The following UNC79 variants were observed in gnomAD, a reference collection of about 807,000 sequenced individuals.
The protein encoded by UNC79 is protein unc-79 homolog.
Under a neutral mutation model 283.1 loss-of-function variants are expected in UNC79, and 37 were observed. The observed-to-expected ratio is 0.13, with a 90% CI of 0.10 to 0.17. The LOEUF is 0.17. Ranked by LOEUF, UNC79 falls within the 10% of genes least tolerant of loss-of-function variation. The pLI, the probability that UNC79 is intolerant of heterozygous loss-of-function variation, is 1.00. For missense variants in UNC79, 2,272 were observed against 3,211.1 expected, an observed-to-expected ratio of 0.71 and a Z score of 7.07; for synonymous variants, 1,107 against 1,200.2, an observed-to-expected ratio of 0.92 and a Z score of 1.61.
At chr14:93,335,190 G>A (rs2053552220) in intron 1 of UNC79, 2 of 152,236 alleles carry the variant, frequency 1.3e-5, no homozygotes, top group African/African-American at 4.8e-5. Flanking sequence ...GAGACTTCTA[G>A]TAGACTGTTT....
chr14:93,457,792 A>C (rs1353375816), intron 1 of UNC79, among the ~76,000 whole-genome samples: 2 of 152,236 alleles, frequency 1.3e-5, no homozygotes, highest in East Asian at 3.8e-4. Context: ...AGATTACACA[A>C]GCTTGAATTA....
chr14:93,622,513 G>A lies in UNC79; in HGVS notation c.5280G>A (p.Ser1760=), dbSNP rs770128052. ...AGTCGTTTGCTCTCCCCGAGATGTC[G>A]CTGGATGATCACCCTGACCCGGGCA... Residue 1760 remains serine, a synonymous_variant, in exon 30 of 49, where the codon TCG becomes TCA. Transcript: ENST00000555664. The A allele has an allele frequency of 1.3e-5, 21 of 1,614,038 alleles. No individual in the cohort carries two copies. In the Middle Eastern group the frequency reaches 4.9e-4, roughly 38 times the overall value.
At position 93,337,597 on chromosome 14, in the gene UNC79, AG is replaced by A. The variant is rs1366510463; in HGVS notation, c.-351+4077del. ...ACCTCACATGATAGGAAGCAGTGGC[AG>A]GGCTGGGCCAGCCCAGGAGCTGCAG... On this transcript the variant is annotated intron_variant, in intron 1 of 49. Transcript: ENST00000256339. Among the ~76,000 whole-genome samples the A allele has an allele frequency of 3.3e-5, 5 of 152,224 alleles. No homozygotes were observed. In the East Asian group the frequency reaches 9.6e-4, roughly 29 times the overall value.
chr14:93,532,998 G>C (rs2060901025), intron 11 of UNC79, among the ~76,000 whole-genome samples: 1 of 152,086 alleles, frequency 6.6e-6, no homozygotes, highest in Non-Finnish European at 1.5e-5. Flanking sequence ...CAGACTGACT[G>C]TATATGGAAA....
At chr14:93,588,570 C>T (rs2064382618) in intron 22 of UNC79, among the ~76,000 whole-genome samples, 1 of 151,816 alleles carries the variant, frequency 6.6e-6, no homozygotes, top group Non-Finnish European at 1.5e-5. Flanking sequence ...GAAACCCTGT[C>T]TTTACTAAAA....
chr14:93,637,413 T>C, intron 32 of UNC79, 114 bp downstream of exon 35: 1 of 1,499,140 alleles, frequency 6.7e-7, no homozygotes, highest in Non-Finnish European at 8.9e-7. Flanking sequence ...GGAGTGGGGA[T>C]GACCTTTGCC....
chr14:93,602,550 C>CTT (rs1372531723), intron 25 of UNC79, among the ~76,000 whole-genome samples: 1 of 152,140 alleles, frequency 6.6e-6, no homozygotes, highest in African/African-American at 2.4e-5. Flanking sequence ...CCTCCAGATG[C>CTT]ATTCTTTTTG....
At chr14:93,653,975 A>G (rs2070614880) in exon 37 of UNC79, 2 of 1,614,044 alleles carry the variant, frequency 1.2e-6, no homozygotes, top group African/African-American at 1.3e-5. Context: ...CTCGTCTCTG[A>G]TGGACTTCAA....
intron 13 of UNC79, among the ~76,000 whole-genome samples, chr14:93,541,779 G>T (rs1055655218): frequency 5.3e-5 from 8 of 152,242 alleles, no homozygotes; most frequent in Middle Eastern, 3.4e-3. Flanking sequence ...GCCAAGACGG[G>T]CAGATCACGA....
chr14:93,641,254 T>C lies in UNC79; in HGVS notation c.5903+7T>C. Reference sequence around the variant, plus strand: ...CGACGGTGATGACGGACAAGTAAGCTCGCACAGTTATTTTCTTCACCATGT... The same window carrying C: ...CGACGGTGATGACGGACAAGTAAGCCCGCACAGTTATTTTCTTCACCATGT... On this transcript the variant is annotated splice_region_variant and intron_variant, in intron 33 of 48. Coordinates refer to ENST00000555664, the Ensembl canonical transcript of UNC79. 2 of 1,610,052 alleles carry C rather than the reference T, an allele frequency of 1.2e-6. No homozygotes were observed. Among genetic ancestry groups the C allele is most frequent in the Non-Finnish European group, 8.5e-7 (1 of 1,177,334 alleles).
At chr14:93,362,265 C>T (rs1239190011) in intron 1 of UNC79, among the ~76,000 whole-genome samples, 1 of 152,060 alleles carries the variant, frequency 6.6e-6, no homozygotes, top group African/African-American at 2.4e-5. Flanking sequence ...GGACTAGTAC[C>T]AGTTCTTCTT....
At chr14:93,338,489 A>G (rs1360044273) in intron 1 of UNC79, among the ~76,000 whole-genome samples, 1 of 152,230 alleles carries the variant, frequency 6.6e-6, no homozygotes, top group Non-Finnish European at 1.5e-5. Context: ...AGTGGGGGAA[A>G]AAGACAAGCC....
intron 7 of UNC79, among the ~76,000 whole-genome samples, chr14:93,512,151 G>A (rs2140872275): frequency 6.6e-6 from 1 of 152,150 alleles, no homozygotes; most frequent in Non-Finnish European, 1.5e-5. Flanking sequence ...TTACCTTTTT[G>A]TTTTGATATC....
At chr14:93,629,401 T>A (rs1217386271) in intron 30 of UNC79, among the ~76,000 whole-genome samples, 1 of 152,190 alleles carries the variant, frequency 6.6e-6, no homozygotes, top group Non-Finnish European at 1.5e-5. Context: ...ATTAGTAGTT[T>A]GGGGAGGATA....
chr14:93,344,298 G>T (rs772952565), intron 1 of UNC79, among the ~76,000 whole-genome samples: 1 of 152,016 alleles, frequency 6.6e-6, no homozygotes. Context: ...GACTAATATC[G>T]TCTTTCTTAA....
intron 1 of UNC79, among the ~76,000 whole-genome samples, chr14:93,419,307 T>C (rs2055538438): frequency 1.3e-5 from 2 of 151,460 alleles, no homozygotes; most frequent in African/African-American, 4.8e-5. Context: ...TAGCTGGGAT[T>C]ACAGCCACCT....
At chr14:93,442,088 G>T (rs1434562782) in intron 1 of UNC79, among the ~76,000 whole-genome samples, 4 of 152,034 alleles carry the variant, frequency 2.6e-5, no homozygotes, top group Non-Finnish European at 4.4e-5. Context: ...TTGGTGAAAA[G>T]TCCAGTGACA....
In UNC79 at chr14:93,688,817, T is replaced by C. The variant is rs765325300; in HGVS notation, c.7062T>C (p.His2354=). ...TCCGCTATCTGCCTTGGCTTTATCA[T>C]CCCCCCTCTGCAATGCAGCAAGGGT... is the stretch of plus-strand genomic sequence containing the variant. Residue 2354 remains histidine, a synonymous_variant, in exon 44 of 49, where the codon CAT becomes CAC. Transcript: ENST00000555664. The surrounding 1 kb of genome is among the most constrained non-coding windows in gnomAD (Gnocchi z 4.0). The C allele has an allele frequency of 1.4e-5, 22 of 1,613,002 alleles. No individual in the cohort carries two copies. Among genetic ancestry groups the C allele is most frequent in the Non-Finnish European group, 1.8e-5 (21 of 1,179,774 alleles).
At chr14:93,540,729 C>T (rs1951716) in exon 13 of UNC79, 979,623 of 1,613,234 alleles carry the variant, frequency 0.61, 303,291 homozygotes, top group Admixed American at 0.67. Context: ...GGCAGCTGGG[C>T]CTCTCCTCTT....
Sources: gnomAD v4.1 joint callset for allele counts (sites outside exome capture counted in the v4.1 genomes callset) on GRCh38, gnomAD v4.1.1 for gene constraint, Gnocchi (gnomAD v3.1) non-coding constraint, MANE v1.5 for transcripts, NCBI Gene and HGNC (gene_info 2026-07-23, HGNC 2026-07-21) for gene names.